The following TRPS1 variants were observed in gnomAD, a reference collection of about 807,000 sequenced individuals.
The protein encoded by TRPS1 is zinc finger transcription factor Trps1.
TRPS1 carries 6 observed loss-of-function variants against 101.2 expected under a neutral mutation model. The ratio of observed to expected loss-of-function variants is 0.06; its 90% CI spans 0.03 to 0.12. The LOEUF is 0.12. Among genes scored for constraint, TRPS1 ranks in the 10% least tolerant of loss-of-function variants. TRPS1 has a pLI of 1.00. For missense variants in TRPS1, 1,363 were observed against 1,567.0 expected (o/e 0.87, Z 2.20); for synonymous variants, 578 against 589.8 (o/e 0.98, Z 0.29).
In TRPS1 at chr8:115,587,445, C is replaced by A; in HGVS notation, c.2256G>T (p.Glu752Asp). The A allele has an allele frequency of 3.1e-6, 5 of 1,614,188 alleles. No individual in the cohort carries two copies. Among genetic ancestry groups the A allele is most frequent in the Non-Finnish European group, 4.2e-6 (5 of 1,180,010 alleles). Reference protein sequence around the residue: ...DGHAISTIKEEPKIDFRVYNL... With the variant: ...DGHAISTIKEDPKIDFRVYNL... ...TGTAGACCCTGAAGTCAATTTTGGG[C>A]TCCTCTTTGATGGTGGATATGGCAT... Residue 752 changes from glutamate (E) to aspartate (D), a missense_variant, in exon 5 of 7, where the codon GAG becomes GAT. This residue lies in a region of TRPS1 where 1,020 missense variants were observed against 1,073.0 expected (regional missense o/e 0.95). Transcript: ENST00000395715.
intron 1 of TRPS1, among the ~76,000 whole-genome samples, chr8:115,662,460 G>T (rs895887674): frequency 1.6e-4 from 24 of 151,978 alleles, no homozygotes; most frequent in African/African-American, 5.1e-4. Flanking sequence ...ACTTAGTTCT[G>T]AGCCACCGAA....
rs1815793880 is a variant in TRPS1, at chr8:115,519,111, C to T, written c.2700+67890G>A. On this transcript the variant is annotated intron_variant, in intron 5 of 6. Coordinates refer to ENST00000395715, the MANE Select transcript of TRPS1 (RefSeq NM_014112.5). ...GTAATATTTTAGAACTTTTTTTTTG[C>T]CTGCTACTTTTTCGTTTTTCTTATT... 2.0e-5 allele frequency among the ~76,000 whole-genome samples: 3 copies of T among 151,116 alleles called. No homozygotes were observed. The South Asian group carries it at 6.2e-4, about 31-fold the overall frequency.
At position 115,587,161 on chromosome 8, in the gene TRPS1, T is replaced by G. The variant is rs746964810; in HGVS notation, c.2540A>C (p.Glu847Ala). ...AATAGGTCGCGCCAGATGGGCGGCC[T>G]CCACATTGGGACTATCCCTTAGAGT... is the stretch of plus-strand genomic sequence containing the variant. ...TKTLRDSPNV[E>A]AAHLARPIYG... The change falls in exon 5 of 7, where the codon GAG becomes GCG. Residue 847 changes from glutamate (E) to alanine (A), a missense_variant. Physicochemically the swap from Glu to Ala is moderately radical, Grantham distance 107. Around this residue, in one of 5 missense-constraint regions of TRPS1, gnomAD observed 1,020 missense variants for 1,073.0 expected, o/e 0.95. Transcript: ENST00000395715. 6.2e-7 allele frequency: 1 copy of G among 1,614,170 alleles called. No homozygotes were observed. The highest frequency in any genetic ancestry group is 8.5e-7 in the Non-Finnish European group (1 of 1,180,010).
chr8:115,597,839 A>C (rs1182876313), intron 4 of TRPS1, among the ~76,000 whole-genome samples: 1 of 152,128 alleles, frequency 6.6e-6, no homozygotes, highest in Non-Finnish European at 1.5e-5. Context: ...TAAATTCTTA[A>C]AATTGTATGA....
At position 115,430,802 on chromosome 8, in the gene TRPS1, CTT is replaced by C. The variant is rs1024898757; in HGVS notation, c.2701-12352_2701-12351del. On this transcript the variant is annotated intron_variant, in intron 5 of 6. Transcript: ENST00000395715. ...CATGTAGTGAGACATCACTAGTTGT[CTT>C]TATTTTCATTAAAGCAATATCATAT... is the stretch of plus-strand genomic sequence containing the variant. Among the ~76,000 whole-genome samples, 6 of 151,874 alleles carry C rather than the reference CTT, an allele frequency of 4.0e-5. No homozygotes were observed. The South Asian group carries it at 6.2e-4, about 16-fold the overall frequency.
chr8:115,454,152 T>G (rs1813955256), intron 5 of TRPS1, among the ~76,000 whole-genome samples: 1 of 152,198 alleles, frequency 6.6e-6, no homozygotes. Context: ...TATGTGCACA[T>G]TTATGCTAGC....
At chr8:115,486,565 T>A (rs1302576510) in intron 5 of TRPS1, among the ~76,000 whole-genome samples, 1 of 152,192 alleles carries the variant, frequency 6.6e-6, no homozygotes, top group Non-Finnish European at 1.5e-5. Context: ...AAAGGCAAAG[T>A]TCTTGAAAGA....
At chr8:115,530,715 T>C (rs1586369345) in intron 5 of TRPS1, among the ~76,000 whole-genome samples, 1 of 152,016 alleles carries the variant, frequency 6.6e-6, no homozygotes. Flanking sequence ...ATTAAGAAAA[T>C]GTGGCACATA....
intron 5 of TRPS1, among the ~76,000 whole-genome samples, chr8:115,572,439 A>C: frequency 1.0e-5 from 1 of 98,134 alleles, no homozygotes; most frequent in East Asian, 3.7e-4. Flanking sequence ...AAATTTCTAC[A>C]ACATTTTGCT....
intron 5 of TRPS1, among the ~76,000 whole-genome samples, chr8:115,514,550 G>C (rs939653937): frequency 1.3e-5 from 2 of 151,256 alleles, no homozygotes; most frequent in Non-Finnish European, 3.0e-5. Flanking sequence ...CAAGATGTTA[G>C]CACACTTAGT....
intron 5 of TRPS1, among the ~76,000 whole-genome samples, chr8:115,579,992 A>G (rs1817405145): frequency 6.6e-6 from 1 of 152,066 alleles, no homozygotes; most frequent in African/African-American, 2.4e-5. Context: ...ACTTCCTTGT[A>G]TTTGTAAATT....
At chr8:115,594,276 C>G (rs1417070671) in intron 4 of TRPS1, among the ~76,000 whole-genome samples, 1 of 152,068 alleles carries the variant, frequency 6.6e-6, no homozygotes, top group Non-Finnish European at 1.5e-5. Flanking sequence ...TCCTGCCACA[C>G]TGACAGCAAA....
chr8:115,533,436 G>GCTTT (rs1379245638), intron 5 of TRPS1, among the ~76,000 whole-genome samples: 1 of 34,986 alleles, frequency 2.9e-5, no homozygotes, highest in African/African-American at 1.0e-4. Flanking sequence ...CATGTAATCT[G>GCTTT]TTTTTTTTTT....
At chr8:115,506,528 T>TCA (rs1245486381) in intron 5 of TRPS1, among the ~76,000 whole-genome samples, 1 of 152,076 alleles carries the variant, frequency 6.6e-6, no homozygotes, top group African/African-American at 2.4e-5. Context: ...ATTGCCTGGC[T>TCA]CATATATATA....
At chr8:115,475,266 T>TTTTATATATATA (rs1416101277) in intron 5 of TRPS1, among the ~76,000 whole-genome samples, 5 of 124,004 alleles carry the variant, frequency 4.0e-5, no homozygotes, top group African/African-American at 1.4e-4. Context: ...TGAATCACAG[T>TTTTATATATATA]TATATATATA....
At position 115,664,930 on chromosome 8, in the gene TRPS1, T is replaced by C. The variant is rs78691387; in HGVS notation, c.-122+3615A>G. 3.3e-3 allele frequency among the ~76,000 whole-genome samples: 502 copies of C among 152,252 alleles called. 3 individuals carry two copies. Among genetic ancestry groups the C allele is most frequent in the African/African-American group, 0.011 (470 of 41,572 alleles). On this transcript the variant is annotated intron_variant, in intron 1 of 6. Coordinates refer to ENST00000395715, the MANE Select transcript of TRPS1 (RefSeq NM_014112.5). Reference sequence around the variant, plus strand: ...CACCAGAGAAATCTTAATAAGAATATGTTTTAATGTAAGCCAGTCATTTTA... The same window carrying C: ...CACCAGAGAAATCTTAATAAGAATACGTTTTAATGTAAGCCAGTCATTTTA...
chr8:115,442,379 C>T (rs1377432399), intron 5 of TRPS1, among the ~76,000 whole-genome samples: 4 of 152,098 alleles, frequency 2.6e-5, no homozygotes, highest in Non-Finnish European at 4.4e-5. Flanking sequence ...CATGAATTGT[C>T]ACCTAAAATT....
chr8:115,507,542 C>G (rs3808428), intron 5 of TRPS1, among the ~76,000 whole-genome samples: 92,383 of 151,532 alleles, frequency 0.61, 28,582 homozygotes, highest in East Asian at 0.84. Flanking sequence ...AGAAACGACT[C>G]ATCTACACGC....
At chr8:115,472,096 G>T (rs1285160697) in intron 5 of TRPS1, among the ~76,000 whole-genome samples, 3 of 152,210 alleles carry the variant, frequency 2.0e-5, no homozygotes, top group African/African-American at 7.2e-5. Context: ...CCTCATTGGG[G>T]AACTCTTTGT....
Sources: gnomAD v4.1 joint callset for allele counts (sites outside exome capture counted in the v4.1 genomes callset) on GRCh38, gnomAD v4.1.1 for gene constraint, gnomAD v4.1.1 regional missense constraint, MANE v1.5 for transcripts, NCBI Gene and HGNC (gene_info 2026-07-23, HGNC 2026-07-21) for gene names.